Variants in ATP8A2 observed in about 807,000 individuals in gnomAD.
ATP8A2 encodes the protein phospholipid-transporting ATPase IB.
ATP8A2 carries 100 observed loss-of-function variants against 165.6 expected under a neutral mutation model. The observed-to-expected ratio is 0.60, with a 90% CI of 0.51 to 0.71. The LOEUF (loss-of-function observed/expected upper bound fraction) is 0.71. Ranked by LOEUF, ATP8A2 falls within the 30% of genes least tolerant of loss-of-function variation. The probability of loss-of-function intolerance (pLI) is 0.00; values close to 1 mark genes in which losing one functional copy is unlikely to be tolerated. For synonymous variants in ATP8A2, 543 were observed against 548.8 expected (o/e 0.99, Z 0.15); for missense variants, 1,227 against 1,479.5 (o/e 0.83, Z 2.80).
At chr13:25,616,919 C>G (rs905179979) in intron 24 of ATP8A2, among the ~76,000 whole-genome samples, 6 of 152,068 alleles carry the variant, frequency 3.9e-5, no homozygotes, top group Non-Finnish European at 5.9e-5. Context: ...CTGCCAGAGC[C>G]TCCAGCCAGG....
chr13:25,721,957 T>C (rs998816797), intron 25 of ATP8A2, among the ~76,000 whole-genome samples: 10 of 152,362 alleles, frequency 6.6e-5, no homozygotes, highest in African/African-American at 2.4e-4. Flanking sequence ...TTCCTGGGTA[T>C]ATGCCCAGGA....
chr13:25,521,732 A>T (rs577326166), intron 2 of ATP8A2, among the ~76,000 whole-genome samples: 14 of 151,306 alleles, frequency 9.3e-5, no homozygotes, highest in Admixed American at 7.9e-4. Context: ...TTTTTAAGAG[A>T]TGGGGTCTCA....
At chr13:25,593,798 G>C (rs1413199221) in intron 24 of ATP8A2, among the ~76,000 whole-genome samples, 1 of 152,150 alleles carries the variant, frequency 6.6e-6, no homozygotes, top group Non-Finnish European at 1.5e-5. Flanking sequence ...TTGGTTAAAT[G>C]GACTTGTGGA....
intron 35 of ATP8A2, among the ~76,000 whole-genome samples, chr13:25,990,281 AAG>A (rs1491581269): frequency 1.3e-5 from 2 of 151,726 alleles, no homozygotes; most frequent in Non-Finnish European, 1.5e-5. Context: ...AAAAAAAAAA[AAG>A]CAAAATTCCT....
At chr13:25,686,002 T>A (rs1445013375) in intron 24 of ATP8A2, among the ~76,000 whole-genome samples, 3 of 152,154 alleles carry the variant, frequency 2.0e-5, no homozygotes, top group Non-Finnish European at 4.4e-5. Context: ...ATTGAATATA[T>A]GGGGTATGAC....
At chr13:25,968,269 T>C (rs1283290568) in intron 34 of ATP8A2, among the ~76,000 whole-genome samples, 5 of 152,210 alleles carry the variant, frequency 3.3e-5, no homozygotes, top group African/African-American at 1.2e-4. Flanking sequence ...AGGTAGACCC[T>C]GGGTCTTCGT....
intron 1 of ATP8A2, among the ~76,000 whole-genome samples, chr13:25,430,850 G>A (rs1012164109): frequency 2.0e-5 from 3 of 151,940 alleles, no homozygotes; most frequent in African/African-American, 7.3e-5. Context: ...CACCCGCCTC[G>A]GCCTCCCAAA....
At chr13:25,618,706 C>A (rs1321661624) in intron 24 of ATP8A2, among the ~76,000 whole-genome samples, 1 of 134,752 alleles carries the variant, frequency 7.4e-6, no homozygotes, top group Admixed American at 8.2e-5. Flanking sequence ...TTTTTCCCAG[C>A]AAGATCTCTA....
rs568158383 is a variant in ATP8A2 at position 25,626,082 on chromosome 13, A to G, written c.2211+36383A>G. 2.0e-5 allele frequency among the ~76,000 whole-genome samples: 3 copies of G among 152,308 alleles called. No individual in the cohort carries two copies. In the East Asian group the frequency reaches 5.8e-4, roughly 29 times the overall value. On this transcript the variant is annotated intron_variant, in intron 24 of 36. Transcript: ENST00000381655. The stretch of plus-strand genomic sequence containing the variant: ...TGAATACTGGATACTCACTGAACAC[A>G]AGTGGTTTATTCTTTCGTTCAGCAA...
chr13:25,503,704 T>C (rs2036929876), intron 2 of ATP8A2, among the ~76,000 whole-genome samples: 1 of 152,194 alleles, frequency 6.6e-6, no homozygotes, highest in African/African-American at 2.4e-5. Flanking sequence ...CTGAAAAGGA[T>C]AGTCATACAG....
At chr13:25,894,910 C>T (rs1381459737) in intron 33 of ATP8A2, among the ~76,000 whole-genome samples, 1 of 152,124 alleles carries the variant, frequency 6.6e-6, no homozygotes, top group Non-Finnish European at 1.5e-5. Context: ...GCTGAAGTTG[C>T]TTATCAGCTT....
chr13:25,879,228 G>C (rs1593493359), intron 33 of ATP8A2, among the ~76,000 whole-genome samples: 1 of 152,126 alleles, frequency 6.6e-6, no homozygotes, highest in South Asian at 2.1e-4. Context: ...ATGCTTTATC[G>C]AGCACCTGGG....
chr13:25,764,759 G>T (rs1465614335), intron 25 of ATP8A2, among the ~76,000 whole-genome samples: 1 of 152,228 alleles, frequency 6.6e-6, no homozygotes. Flanking sequence ...GATAGTGAAA[G>T]AATTTTGTGA....
chr13:25,990,819 C>T (rs925389307), intron 35 of ATP8A2, among the ~76,000 whole-genome samples: 2 of 152,218 alleles, frequency 1.3e-5, no homozygotes, highest in African/African-American at 4.8e-5. Flanking sequence ...GACTATTCTT[C>T]ACTTGCTTGG....
intron 6 of ATP8A2, among the ~76,000 whole-genome samples, chr13:25,535,699 C>T (rs2038256708): frequency 6.6e-6 from 1 of 151,988 alleles, no homozygotes; most frequent in Admixed American, 6.6e-5. Flanking sequence ...TCTGTAATCC[C>T]AGCTACTCAG....
At chr13:25,749,759 G>A (rs750627024) in intron 25 of ATP8A2, among the ~76,000 whole-genome samples, 8 of 152,236 alleles carry the variant, frequency 5.3e-5, no homozygotes, top group African/African-American at 1.4e-4. Flanking sequence ...AAACTGGAAA[G>A]GAAGTTAAAA....
chr13:25,852,734 T>C (rs1952039660), intron 30 of ATP8A2, among the ~76,000 whole-genome samples: 1 of 152,158 alleles, frequency 6.6e-6, no homozygotes, highest in Non-Finnish European at 1.5e-5. Flanking sequence ...CCCAGCACTT[T>C]GGGAGGCCGA....
At chr13:25,717,624 A>T (rs2043284934) in intron 25 of ATP8A2, among the ~76,000 whole-genome samples, 1 of 152,228 alleles carries the variant, frequency 6.6e-6, no homozygotes, top group Non-Finnish European at 1.5e-5. Context: ...TTGAATGAAG[A>T]AATATACAAC....
At position 25,811,482 on chromosome 13, in the gene ATP8A2, A is replaced by G. The variant is rs960998522; in HGVS notation, c.2680-16636A>G. 1.5e-4 allele frequency among the ~76,000 whole-genome samples: 23 copies of G among 152,308 alleles called. No individual in the cohort carries two copies. The East Asian group carries it at 2.7e-3, about 18-fold the overall frequency. On this transcript the variant is annotated intron_variant, in intron 27 of 36. Coordinates refer to ENST00000381655, the MANE Select transcript of ATP8A2 (RefSeq NM_016529.6). ...TATACAGTGTATGGATATATTTAATATCATTAAAAATGATTATCCTTGCCC... is the reference window on the plus strand; with the variant it reads ...TATACAGTGTATGGATATATTTAATGTCATTAAAAATGATTATCCTTGCCC...
Sources: allele counts gnomAD v4.1 joint callset (sites outside exome capture counted in the v4.1 genomes callset), GRCh38; gene constraint gnomAD v4.1.1; transcripts MANE v1.5; gene names NCBI Gene and HGNC (gene_info 2026-07-23, HGNC 2026-07-21).